The following JAKMIP2 variants were observed in gnomAD, a reference collection of about 807,000 sequenced individuals.
The protein encoded by JAKMIP2 is janus kinase and microtubule interacting protein 2.
Under a neutral mutation model 115.0 loss-of-function variants are expected in JAKMIP2, and 25 were observed. That is an observed-to-expected ratio of 0.22 (90% CI 0.16 to 0.30). The LOEUF is 0.30. JAKMIP2 is among the 10% of genes least tolerant of loss of function. The probability of loss-of-function intolerance (pLI) is 1.00; values close to 1 mark genes in which losing one functional copy is unlikely to be tolerated. For synonymous variants in JAKMIP2, 334 were observed against 343.6 expected (o/e 0.97, Z 0.31); for missense variants, 642 against 957.6 (o/e 0.67, Z 4.35).
intron 1 of JAKMIP2, among the ~76,000 whole-genome samples, chr5:147,774,507 G>A (rs1755484509): frequency 6.6e-6 from 1 of 152,152 alleles, no homozygotes; most frequent in Non-Finnish European, 1.5e-5. Flanking sequence ...TTGGTAGAAT[G>A]AGACAATAGC....
intron 1 of JAKMIP2, among the ~76,000 whole-genome samples, chr5:147,720,687 T>C (rs1580832060): frequency 6.6e-6 from 1 of 151,470 alleles, no homozygotes; most frequent in Non-Finnish European, 1.5e-5. Flanking sequence ...CGAGCCTTGG[T>C]TTTCAGCTCC....
At chr5:147,760,952 G>A (rs974429010) in intron 1 of JAKMIP2, among the ~76,000 whole-genome samples, 1 of 152,068 alleles carries the variant, frequency 6.6e-6, no homozygotes, top group Non-Finnish European at 1.5e-5. Context: ...ATTGGGAAAA[G>A]TATGAGGTTC....
chr5:147,716,751 T>C (rs1471987831), intron 1 of JAKMIP2, among the ~76,000 whole-genome samples: 1 of 149,692 alleles, frequency 6.7e-6, no homozygotes, highest in African/African-American at 2.5e-5. Context: ...ATTAGCCCTT[T>C]GTCAGATGAG....
In JAKMIP2 at chr5:147,595,213, G is replaced by A. The variant is rs144035889; in HGVS notation, c.*21-3527C>T. Among the ~76,000 whole-genome samples the A allele has an allele frequency of 3.2e-3, 492 of 152,196 alleles. 2 individuals carry two copies. Among genetic ancestry groups the A allele is most frequent in the African/African-American group, 0.011 (465 of 41,514 alleles). On this transcript the variant is annotated intron_variant, in intron 21 of 21. Transcript: ENST00000616793. ...TAATTTTTTATATTAGAAAATTAAC[G>A]TTTGGAGAGTGCTATATTTTGAATG...
intron 1 of JAKMIP2, among the ~76,000 whole-genome samples, chr5:147,719,609 T>C (rs977580304): frequency 1.3e-5 from 2 of 152,130 alleles, no homozygotes; most frequent in African/African-American, 2.4e-5. Context: ...GTAATGGCTG[T>C]CTTTGTCTCT....
At chr5:147,602,258 T>C (rs1395643802) in intron 20 of JAKMIP2, among the ~76,000 whole-genome samples, 1 of 152,194 alleles carries the variant, frequency 6.6e-6, no homozygotes, top group East Asian at 1.9e-4. Context: ...CAGTACTATC[T>C]TTTTTGGTTA....
intron 1 of JAKMIP2, among the ~76,000 whole-genome samples, chr5:147,723,876 C>A (rs546041346): frequency 1.3e-4 from 20 of 152,208 alleles, no homozygotes; most frequent in African/African-American, 4.3e-4. Context: ...TGTAAAACCC[C>A]CAAAGAGAGA....
rs1303041586 is a variant in JAKMIP2 at position 147,590,576 on chromosome 5, ATAGTT to A, written c.*1126_*1130del. On this transcript the variant is annotated 3_prime_UTR_variant, in exon 22 of 22. Transcript: ENST00000616793. ...GCATGTGAGGATTCTTTAAAAAATA[ATAGTT>A]TAGTTTAATATTCACATCTCTGTGG... The A allele has an allele frequency of 6.6e-6, 1 of 152,188 alleles. No individual in the cohort carries two copies. Among genetic ancestry groups the A allele is most frequent in the African/African-American group, 2.4e-5 (1 of 41,456 alleles). The allele number at this position is 152,188 out of a possible 1,614,324, so 9.4% of individuals were successfully genotyped here.
intron 21 of JAKMIP2, among the ~76,000 whole-genome samples, chr5:147,593,770 T>C (rs1037124849): frequency 6.6e-6 from 1 of 152,172 alleles, no homozygotes; most frequent in Non-Finnish European, 1.5e-5. Flanking sequence ...AGTACATATT[T>C]ACATTCCACT....
chr5:147,657,705 T>C (rs1368106700), intron 3 of JAKMIP2, among the ~76,000 whole-genome samples: 1 of 152,102 alleles, frequency 6.6e-6, no homozygotes, highest in Non-Finnish European at 1.5e-5. Context: ...TCATTCCTTT[T>C]CATTCTTTTT....
At chr5:147,659,607 G>C (rs1758858876) in intron 3 of JAKMIP2, among the ~76,000 whole-genome samples, 1 of 152,116 alleles carries the variant, frequency 6.6e-6, no homozygotes, top group African/African-American at 2.4e-5. Flanking sequence ...ATTTTATATT[G>C]AAAACCATCA....
At chr5:147,598,744 GA>G (rs1338616754) in intron 21 of JAKMIP2, among the ~76,000 whole-genome samples, 6 of 151,814 alleles carry the variant, frequency 4.0e-5, no homozygotes, top group African/African-American at 7.2e-5. Flanking sequence ...ATTACTAAAA[GA>G]AAAAAAGTAG....
chr5:147,638,624 T>C (rs138242891), intron 10 of JAKMIP2, among the ~76,000 whole-genome samples: 161 of 152,096 alleles, frequency 1.1e-3, no homozygotes, highest in African/African-American at 3.4e-3. Flanking sequence ...CACTGAACAA[T>C]AGTAGTTCTA....
At chr5:147,721,430 G>A (rs561328811) in intron 1 of JAKMIP2, among the ~76,000 whole-genome samples, 473 of 152,310 alleles carry the variant, frequency 3.1e-3, no homozygotes, top group Non-Finnish European at 4.9e-3. Flanking sequence ...GGGCAATGGC[G>A]GGCGCCCCTC....
rs60338770 is a variant in JAKMIP2 at position 147,678,959 on chromosome 5, TTTTA to T, written c.-148-7009_-148-7006del. On this transcript the variant is annotated intron_variant, in intron 1 of 21. Transcript: ENST00000616793. ...ATACTGTTTTGATGTCCAACTACAT[TTTTA>T]TTTATTTATTTATTTATTTATTTAT... Among the ~76,000 whole-genome samples, 298 of 147,996 alleles carry T rather than the reference TTTTA, an allele frequency of 2.0e-3. 1 individual carries two copies. The highest frequency in any genetic ancestry group is 2.8e-3 in the Admixed American group (41 of 14,828).
At chr5:147,628,009 C>CTT (rs58358473) in intron 16 of JAKMIP2, among the ~76,000 whole-genome samples, 66 of 141,396 alleles carry the variant, frequency 4.7e-4, no homozygotes, top group African/African-American at 1.1e-3. Flanking sequence ...TTTACTGGTA[C>CTT]TTTTTTTTTT....
intron 3 of JAKMIP2, 113 bp from the exon 4 acceptor site, chr5:147,650,660 G>A (rs971376330): frequency 4.7e-5 from 37 of 781,872 alleles, no homozygotes; most frequent in Non-Finnish European, 6.6e-5. Context: ...AAAAAATCAC[G>A]GATTTGATAA....
rs528189251 is a variant in JAKMIP2, at chr5:147,601,160, A to G, written c.*20+581T>C. On this transcript the variant is annotated intron_variant, in intron 21 of 21. Transcript: ENST00000616793. ...ACATTGTGACTTCCCAAAGTAATACAGTTAACTGGAACAGATTCTTGATTC... is the reference window on the plus strand; with the variant it reads ...ACATTGTGACTTCCCAAAGTAATACGGTTAACTGGAACAGATTCTTGATTC... Among the ~76,000 whole-genome samples, 53 of 152,330 alleles carry G rather than the reference A, an allele frequency of 3.5e-4. 1 individual carries two copies. Among genetic ancestry groups the G allele is most frequent in the Admixed American group, 3.0e-3 (46 of 15,300 alleles).
intron 2 of JAKMIP2, among the ~76,000 whole-genome samples, chr5:147,669,003 G>A (rs2126800249): frequency 6.6e-6 from 1 of 152,276 alleles, no homozygotes; most frequent in South Asian, 2.1e-4. Context: ...CTGGATAAAT[G>A]AATACTGCCC....
Sources: allele counts gnomAD v4.1 joint callset (sites outside exome capture counted in the v4.1 genomes callset), GRCh38; gene constraint gnomAD v4.1.1; transcripts MANE v1.5; gene names NCBI Gene and HGNC (gene_info 2026-07-23, HGNC 2026-07-21).